PTPRT: variants seen among roughly 807,000 people sequenced by gnomAD.
PTPRT encodes receptor-type tyrosine-protein phosphatase T.
In PTPRT, 56 loss-of-function variants were observed where a neutral mutation model predicts 176.8. The observed-to-expected ratio is 0.32, with a 90% CI of 0.26 to 0.40. The LOEUF (loss-of-function observed/expected upper bound fraction) is 0.40, where lower values mean the gene tolerates loss of function less well. Ranked by LOEUF, PTPRT falls within the 10% of genes least tolerant of loss-of-function variation. The probability of loss-of-function intolerance (pLI) is 1.00; values close to 1 mark genes in which losing one functional copy is unlikely to be tolerated. For synonymous variants in PTPRT, 783 were observed against 739.0 expected, an observed-to-expected ratio of 1.06 and a Z score of -0.96; for missense variants, 1,540 against 1,908.2, an observed-to-expected ratio of 0.81 and a Z score of 3.60.
chr20:42,898,222 G>C (rs764816910), intron 1 of PTPRT, among the ~76,000 whole-genome samples: 1 of 152,062 alleles, frequency 6.6e-6, no homozygotes, highest in Non-Finnish European at 1.5e-5. Context: ...TGTTGCTGTT[G>C]TTAAGAGACG....
intron 18 of PTPRT, among the ~76,000 whole-genome samples, chr20:42,132,322 C>T (rs992287885): frequency 2.0e-5 from 3 of 152,066 alleles, no homozygotes; most frequent in Admixed American, 6.6e-5. Context: ...TACTATATGG[C>T]ATGAGAGGAT....
At chr20:42,511,466 G>A (rs973208453) in intron 7 of PTPRT, among the ~76,000 whole-genome samples, 1 of 151,870 alleles carries the variant, frequency 6.6e-6, no homozygotes, top group Non-Finnish European at 1.5e-5. Context: ...TTGATTGAAG[G>A]CTTTCACCAA....
intron 1 of PTPRT, among the ~76,000 whole-genome samples, chr20:43,182,493 C>T (rs543527004): frequency 6.6e-4 from 101 of 152,002 alleles, no homozygotes; most frequent in African/African-American, 2.0e-3. Flanking sequence ...TGGGTTCAAG[C>T]GATTCTCATC....
intron 2 of PTPRT, among the ~76,000 whole-genome samples, chr20:42,836,655 C>G (rs1411814418): frequency 6.6e-6 from 1 of 152,144 alleles, no homozygotes; most frequent in African/African-American, 2.4e-5. Context: ...AACCAAACAG[C>G]CCTGGGTTTG....
chr20:42,450,600 C>T (rs1023496080), intron 8 of PTPRT, among the ~76,000 whole-genome samples: 1 of 151,934 alleles, frequency 6.6e-6, no homozygotes, highest in Non-Finnish European at 1.5e-5. Context: ...CGTAAGCTTT[C>T]TTGCATAGGT....
At chr20:42,478,033 C>A (rs6102852) in intron 7 of PTPRT, among the ~76,000 whole-genome samples, 34,163 of 152,008 alleles carry the variant, frequency 0.22, 3,889 homozygotes, top group Middle Eastern at 0.28. Context: ...TTCCCTGCCA[C>A]GAGGCCCTAC....
chr20:42,221,099 C>A (rs555422156), intron 15 of PTPRT, among the ~76,000 whole-genome samples: 1 of 152,212 alleles, frequency 6.6e-6, no homozygotes, highest in South Asian at 2.1e-4. Flanking sequence ...TTCCCGGGTT[C>A]AAGAAGCAAT....
chr20:43,102,758 C>T (rs147404827), intron 1 of PTPRT, among the ~76,000 whole-genome samples: 1,587 of 152,248 alleles, frequency 0.01, 35 homozygotes, highest in African/African-American at 0.036. Context: ...ATGGCAGGAG[C>T]CCCTGGTTAA....
At chr20:42,567,021 C>A (rs2073050761) in intron 7 of PTPRT, among the ~76,000 whole-genome samples, 1 of 152,054 alleles carries the variant, frequency 6.6e-6, no homozygotes, top group East Asian at 1.9e-4. Context: ...CCTGTAACCC[C>A]AGCACTTTGG....
In PTPRT at chr20:42,906,063, A is replaced by T. The variant is rs145608493; in HGVS notation, c.89-20131T>A. ...CACATACTTAAAGTATATATATATA[A>T]AAAAAAGAACCAAAACAAAAACAAA... is the stretch of plus-strand genomic sequence containing the variant. On this transcript the variant is annotated intron_variant, in intron 1 of 30. Coordinates refer to ENST00000373187, the MANE Select transcript of PTPRT (RefSeq NM_007050.6). 8.4e-4 allele frequency among the ~76,000 whole-genome samples: 128 copies of T among 152,204 alleles called. 4 individuals are homozygous for T. The East Asian group carries it at 0.015, about 18-fold the overall frequency.
At chr20:42,828,977 C>A (rs374679353) in intron 2 of PTPRT, among the ~76,000 whole-genome samples, 32 of 152,120 alleles carry the variant, frequency 2.1e-4, no homozygotes, top group African/African-American at 7.2e-4. Context: ...TCCTCCAGAC[C>A]CCAGAATGTT....
At chr20:42,750,318 CAT>C (rs2076752561) in intron 6 of PTPRT, among the ~76,000 whole-genome samples, 1 of 151,946 alleles carries the variant, frequency 6.6e-6, no homozygotes, top group African/African-American at 2.4e-5. Flanking sequence ...ATATATGTTA[CAT>C]ATATATTATG....
chr20:42,887,557 T>C lies in PTPRT; in HGVS notation c.89-1625A>G, dbSNP rs562315020. 2.6e-5 allele frequency among the ~76,000 whole-genome samples: 4 copies of C among 152,324 alleles called. No individual in the cohort carries two copies. In the East Asian group the frequency reaches 5.8e-4, roughly 22 times the overall value. ...AGTTCATCCCACACTAGCCCGGCCA[T>C]GTGCTCATTAACATCACACTATTGT... is the stretch of plus-strand genomic sequence containing the variant. On this transcript the variant is annotated intron_variant, in intron 1 of 30. Coordinates refer to ENST00000373187, the MANE Select transcript of PTPRT (RefSeq NM_007050.6).
rs554048009 is a variant in PTPRT, at chr20:42,078,909, T to C, written c.*1970A>G. ...TGCTCCTAGGCTCATGGAACACTCA[T>C]CCACTCCACACTACTGCACCATGGT... is the stretch of plus-strand genomic sequence containing the variant. On this transcript the variant is annotated 3_prime_UTR_variant, in exon 31 of 31. Transcript: ENST00000373187. 6.8e-5 allele frequency: 12 copies of C among 175,686 alleles called. No individual in the cohort carries two copies. Among genetic ancestry groups the C allele is most frequent in the Non-Finnish European group, 1.3e-4 (11 of 81,536 alleles). The allele number at this position is 175,686 out of a possible 1,614,324, so 10.9% of individuals were successfully genotyped here. A position where few individuals can be genotyped will look rare whatever the true frequency, so the allele number is the denominator to read the frequency against.
At chr20:42,823,304 G>A (rs184662059) in intron 2 of PTPRT, among the ~76,000 whole-genome samples, 61 of 152,156 alleles carry the variant, frequency 4.0e-4, no homozygotes, top group African/African-American at 1.4e-3. Context: ...ACCAAACACC[G>A]CATGTTCTCA....
At chr20:42,707,181 G>T (rs770695066) in intron 6 of PTPRT, among the ~76,000 whole-genome samples, 12 of 151,838 alleles carry the variant, frequency 7.9e-5, no homozygotes, top group Non-Finnish European at 1.8e-4. Context: ...TTTGTTTGTT[G>T]TTTTTTTTGC....
chr20:43,173,022 G>A (rs549552678), intron 1 of PTPRT, among the ~76,000 whole-genome samples: 3 of 152,096 alleles, frequency 2.0e-5, no homozygotes, highest in East Asian at 3.9e-4. Flanking sequence ...ACAGGCATGC[G>A]CCACCAGACA....
At position 42,814,665 on chromosome 20, in the gene PTPRT, A is replaced by C. The variant is rs1038480824; in HGVS notation, c.215-23199T>G. 4.6e-5 allele frequency among the ~76,000 whole-genome samples: 7 copies of C among 152,344 alleles called. No homozygotes were observed. In the East Asian group the frequency reaches 1.2e-3, roughly 25 times the overall value. On this transcript the variant is annotated intron_variant, in intron 2 of 30. Coordinates refer to ENST00000373187, the MANE Select transcript of PTPRT (RefSeq NM_007050.6). ...TGTCATGACTGCCATCTTTAGTGCCATGTTTCATCAGGAGGTGGGTGACAC... is the reference window on the plus strand; with the variant it reads ...TGTCATGACTGCCATCTTTAGTGCCCTGTTTCATCAGGAGGTGGGTGACAC...
chr20:43,011,495 T>A (rs764286555), intron 1 of PTPRT, among the ~76,000 whole-genome samples: 2 of 152,122 alleles, frequency 1.3e-5, no homozygotes, highest in Non-Finnish European at 2.9e-5. Flanking sequence ...AAGATACACA[T>A]GAAGTGGAGA....
Sources: gnomAD v4.1 joint callset for allele counts (sites outside exome capture counted in the v4.1 genomes callset) on GRCh38, gnomAD v4.1.1 for gene constraint, MANE v1.5 for transcripts, NCBI Gene and HGNC (gene_info 2026-07-23, HGNC 2026-07-21) for gene names.